FARP1: variants seen among roughly 807,000 people sequenced by gnomAD.
FARP1 encodes FERM, ARHGEF and pleckstrin domain-containing protein 1.
FARP1 carries 52 observed loss-of-function variants against 128.8 expected under a neutral mutation model. That is an observed-to-expected ratio of 0.40 (90% CI 0.32 to 0.51). FARP1 has a LOEUF of 0.51. Ranked by LOEUF, FARP1 falls within the 20% of genes least tolerant of loss-of-function variation. The pLI is 0.45. For missense variants in FARP1, 1,333 were observed against 1,367.9 expected (o/e 0.97, Z 0.40); for synonymous variants, 580 against 551.8 (o/e 1.05, Z -0.72).
chr13:98,278,762 T>C (rs1435966685), intron 2 of FARP1, among the ~76,000 whole-genome samples: 2 of 152,318 alleles, frequency 1.3e-5, no homozygotes, highest in East Asian at 1.9e-4. Flanking sequence ...TGAACACTTA[T>C]GAAGGTGTTT....
At chr13:98,438,715 C>A (rs942976710) in intron 19 of FARP1, 89 bp from the exon 20 acceptor site, 1 of 1,071,188 alleles carries the variant, frequency 9.3e-7, no homozygotes, top group Non-Finnish European at 1.4e-6. Flanking sequence ...TCAGGGGCTA[C>A]AAATTTAGCC....
chr13:98,440,532 G>A (rs558642915), intron 23 of FARP1, 138 bp from the exon 24 acceptor site: 108 of 811,242 alleles, frequency 1.3e-4, no homozygotes, highest in African/African-American at 8.7e-4. Flanking sequence ...AGGGTCCATC[G>A]AGGCCTCATT....
chr13:98,325,941 C>G (rs1334820181), intron 2 of FARP1, among the ~76,000 whole-genome samples: 4 of 152,248 alleles, frequency 2.6e-5, no homozygotes, highest in Non-Finnish European at 5.9e-5. Context: ...TGTTTTATAG[C>G]TTCTCTTCAT....
chr13:98,378,940 TATATATAATATATATATAATATATACA>T (rs1889717924), intron 6 of FARP1, among the ~76,000 whole-genome samples: 1 of 106,482 alleles, frequency 9.4e-6, no homozygotes, highest in Non-Finnish European at 1.8e-5. Context: ...ATATATAATC[TATATATAATATATATATAATATATACA>T]ATATATAATC....
intron 17 of FARP1, 134 bp downstream of exon 17, chr13:98,424,784 C>G (rs1465924184): frequency 1.5e-6 from 1 of 680,236 alleles, no homozygotes; most frequent in Non-Finnish European, 2.7e-6. Flanking sequence ...GCTTGTCCAA[C>G]CCACCGCCGA....
intron 1 of FARP1, among the ~76,000 whole-genome samples, chr13:98,156,046 C>A (rs547742360): frequency 9.2e-5 from 14 of 152,172 alleles, no homozygotes; most frequent in African/African-American, 1.4e-4. Flanking sequence ...TGGAGCAAGT[C>A]ATTTCATTTC....
At chr13:98,419,829 A>G (rs1301245473) in intron 16 of FARP1, among the ~76,000 whole-genome samples, 2 of 152,176 alleles carry the variant, frequency 1.3e-5, no homozygotes, top group Non-Finnish European at 2.9e-5. Context: ...CTCAAGCTCC[A>G]AGCTGCACCG....
intron 2 of FARP1, among the ~76,000 whole-genome samples, chr13:98,298,373 G>A (rs1885789482): frequency 6.6e-6 from 1 of 152,184 alleles, no homozygotes; most frequent in African/African-American, 2.4e-5. Context: ...CACAGAGGTG[G>A]ACTCACTAAA....
rs1186924870 is a variant in FARP1, at chr13:98,143,450, C to G, written c.-66C>G. 29 of 150,528 alleles carry G rather than the reference C, an allele frequency of 1.9e-4. No individual in the cohort carries two copies. In the South Asian group the frequency reaches 5.2e-3, roughly 27 times the overall value. 9.3% of individuals were successfully genotyped at this position (150,528 alleles called of 1,614,324 possible). A position where few individuals can be genotyped will look rare whatever the true frequency, so the allele number is the denominator to read the frequency against. On this transcript the variant is annotated 5_prime_UTR_variant, in exon 1 of 27. Coordinates refer to ENST00000319562, the MANE Select transcript of FARP1 (RefSeq NM_005766.4). ...CTTGGGAGCCGCCGATCCCGGAGCC[C>G]GAGCCGGGAGAGGGAGCCGCCGCAG... is the stretch of plus-strand genomic sequence containing the variant.
At chr13:98,431,432 T>C in intron 18 of FARP1, 152 bp downstream of exon 18, 1 of 571,324 alleles carries the variant, frequency 1.8e-6, no homozygotes. Context: ...CCGGTTTTTA[T>C]TCCTGCTCTG....
intron 13 of FARP1, chr13:98,399,060 T>C (rs1333507702): frequency 6.6e-5 from 10 of 152,206 alleles, no homozygotes; most frequent in Non-Finnish European, 1.5e-4. Context: ...GAGTTGCTCA[T>C]AGAGTTTTTC....
chr13:98,373,581 C>CACAG (rs1341717941), intron 5 of FARP1, among the ~76,000 whole-genome samples: 1 of 145,148 alleles, frequency 6.9e-6, no homozygotes, highest in African/African-American at 2.5e-5. Flanking sequence ...CACACACACA[C>CACAG]AGAAAGGGGG....
chr13:98,385,632 C>A (rs759590947), intron 7 of FARP1, 35 bp from the exon 8 acceptor site: 2 of 1,611,546 alleles, frequency 1.2e-6, no homozygotes, highest in Admixed American at 3.3e-5. Context: ...GAATTCAAAT[C>A]TCCTGGCCTT....
At chr13:98,177,054 C>T (rs1237162712) in intron 1 of FARP1, 2 of 1,594,452 alleles carry the variant, frequency 1.3e-6, no homozygotes, top group Non-Finnish European at 1.7e-6. Flanking sequence ...TCGGTGCCAC[C>T]CGCGGGGGCT....
Position 98,213,246 on chromosome 13 carries a change from G to GAGA in FARP1, c.4_5insAGA (p.Gly2delinsGluArg). 6.2e-7 allele frequency: 1 copy of GAGA among 1,611,538 alleles called. No homozygotes were observed. The highest frequency in any genetic ancestry group is 8.5e-7 in the Non-Finnish European group (1 of 1,179,358). ...TATTCTCTAAGCCGCTTTCATCATG[G>GAGA]GAGAAATAGAGCAGAGGCCGACCCC... On this transcript the variant is annotated protein_altering_variant, in exon 2 of 27. Transcript: ENST00000319562.
chr13:98,225,223 G>T (rs746254040), intron 2 of FARP1, among the ~76,000 whole-genome samples: 1 of 152,160 alleles, frequency 6.6e-6, no homozygotes, highest in African/African-American at 2.4e-5. Flanking sequence ...TAAACGGGAC[G>T]TCTGGTTTCG....
intron 1 of FARP1, among the ~76,000 whole-genome samples, chr13:98,209,796 C>CAAAAAAA (rs71111935): frequency 5.9e-4 from 29 of 49,370 alleles, no homozygotes; most frequent in African/African-American, 9.3e-4. Context: ...AACTGTGTCT[C>CAAAAAAA]AAAAAAAAAA....
chr13:98,437,215 T>A (rs1415466279), intron 19 of FARP1, among the ~76,000 whole-genome samples: 2 of 152,230 alleles, frequency 1.3e-5, no homozygotes, highest in Admixed American at 6.5e-5. Context: ...TTTTGCTCTA[T>A]CACACACTGG....
At chr13:98,385,269 T>A (rs570270123) in intron 7 of FARP1, among the ~76,000 whole-genome samples, 1 of 152,352 alleles carries the variant, frequency 6.6e-6, no homozygotes, top group South Asian at 2.1e-4. Flanking sequence ...TAAGGAAGCA[T>A]TGGAGCCTGA....
Sources: allele counts gnomAD v4.1 joint callset (sites outside exome capture counted in the v4.1 genomes callset), GRCh38; gene constraint gnomAD v4.1.1; transcripts MANE v1.5; gene names NCBI Gene and HGNC (gene_info 2026-07-23, HGNC 2026-07-21).